The following MCM9 variants were observed in gnomAD, a reference collection of about 807,000 sequenced individuals.
The protein encoded by MCM9 is DNA helicase MCM9.
MCM9 carries 55 observed loss-of-function variants against 72.8 expected under a neutral mutation model. That is an observed-to-expected ratio of 0.76 (90% confidence interval 0.61 to 0.95). The LOEUF (loss-of-function observed/expected upper bound fraction) is 0.95, where lower values mean the gene tolerates loss of function less well. Ranked by LOEUF, MCM9 falls within the 40% of genes least tolerant of loss-of-function variation. MCM9 has a pLI of 0.00. For missense variants in MCM9, 1,279 were observed against 1,377.0 expected, an observed-to-expected ratio of 0.93 and a Z score of 1.13; for synonymous variants, 480 against 503.4, an observed-to-expected ratio of 0.95 and a Z score of 0.62.
chr6:118,933,028 A>G (rs2114473704), intron 1 of MCM9, among the ~76,000 whole-genome samples: 1 of 152,366 alleles, frequency 6.6e-6, no homozygotes, highest in Middle Eastern at 3.4e-3. Context: ...TGAAAAGTAT[A>G]GTAAAAGGTT....
intron 9 of MCM9, among the ~76,000 whole-genome samples, chr6:118,839,616 C>T (rs867635197): frequency 3.9e-5 from 6 of 152,174 alleles, no homozygotes; most frequent in Middle Eastern, 3.4e-3. Flanking sequence ...TATGTGTGGA[C>T]GTCCTTTTTG....
At chr6:118,905,862 T>C in intron 8 of MCM9, 1 of 1,476,452 alleles carries the variant, frequency 6.8e-7, no homozygotes, top group Non-Finnish European at 9.1e-7. Flanking sequence ...TAACTACTTT[T>C]ACTATGCAAT....
intron 13 of MCM9, 101 bp downstream of exon 13, chr6:118,826,046 C>T: frequency 7.6e-7 from 1 of 1,315,050 alleles, no homozygotes; most frequent in South Asian, 1.5e-5. Context: ...GACCCAACAC[C>T]TGATAGATAG....
intron 9 of MCM9, among the ~76,000 whole-genome samples, chr6:118,843,291 A>G (rs1228378501): frequency 4.6e-5 from 7 of 151,992 alleles, no homozygotes; most frequent in Admixed American, 3.9e-4. Context: ...ATTTTCAAAA[A>G]AAGAACTAAC....
At chr6:118,865,005 C>A (rs888322113) in intron 8 of MCM9, among the ~76,000 whole-genome samples, 4 of 152,192 alleles carry the variant, frequency 2.6e-5, no homozygotes, top group Admixed American at 2.0e-4. Context: ...TGGCTGACAG[C>A]CTAAGAAGTG....
At position 118,921,987 on chromosome 6, in the gene MCM9, AAATTC is replaced by A; in HGVS notation, c.703+13_703+17del. On this transcript the variant is annotated intron_variant, in intron 5 of 13. Transcript: ENST00000619706. ...AGGACTACCTACACAAGCTAAAAAA[AAATTC>A]CCCTCTTCTTACCAGATTTGCAACT... 1 of 1,599,314 alleles carries A rather than the reference AAATTC, an allele frequency of 6.3e-7. No homozygotes were observed. Among genetic ancestry groups the A allele is most frequent in the Middle Eastern group, 1.7e-4 (1 of 5,994 alleles).
intron 8 of MCM9, among the ~76,000 whole-genome samples, chr6:118,860,223 G>A (rs1435983059): frequency 6.6e-6 from 1 of 151,946 alleles, no homozygotes; most frequent in East Asian, 1.9e-4. Flanking sequence ...TATGCTAAGA[G>A]ATCTAATGGA....
At chr6:118,916,640 A>G (rs1280152214) in intron 6 of MCM9, among the ~76,000 whole-genome samples, 2 of 150,808 alleles carry the variant, frequency 1.3e-5, no homozygotes, top group South Asian at 2.1e-4. Context: ...TGTATTTTTA[A>G]TAGAGACAAC....
intron 3 of MCM9, among the ~76,000 whole-genome samples, chr6:118,930,962 G>A (rs1450195910): frequency 1.3e-5 from 2 of 152,170 alleles, no homozygotes; most frequent in East Asian, 3.8e-4. Flanking sequence ...TATCTGTCAT[G>A]CATTCAACAA....
chr6:118,887,099 A>G (rs1344023207), intron 8 of MCM9, among the ~76,000 whole-genome samples: 1 of 152,264 alleles, frequency 6.6e-6, no homozygotes, highest in Non-Finnish European at 1.5e-5. Context: ...TGCAATCCCT[A>G]TCACAATCCC....
chr6:118,878,515 T>G (rs1031339809), intron 8 of MCM9, among the ~76,000 whole-genome samples: 20 of 152,286 alleles, frequency 1.3e-4, no homozygotes, highest in African/African-American at 4.8e-4. Flanking sequence ...TTATAAAATG[T>G]GTTGAGTGGC....
chr6:118,910,054 T>C (rs1335037147), intron 8 of MCM9, among the ~76,000 whole-genome samples: 1 of 149,482 alleles, frequency 6.7e-6, no homozygotes, highest in Non-Finnish European at 1.5e-5. Flanking sequence ...GAAGCAGAGG[T>C]TGCAGTGAGC....
At chr6:118,830,762 C>T (rs912650356) in intron 9 of MCM9, among the ~76,000 whole-genome samples, 1 of 152,212 alleles carries the variant, frequency 6.6e-6, no homozygotes, top group African/African-American at 2.4e-5. Context: ...CATCCTCTCT[C>T]TGACCAACCA....
At chr6:118,834,400 G>T (rs1774806631) in intron 9 of MCM9, among the ~76,000 whole-genome samples, 3 of 152,060 alleles carry the variant, frequency 2.0e-5, no homozygotes, top group Admixed American at 6.5e-5. Context: ...TGGGTCAAAT[G>T]GTATGTCGGT....
intron 8 of MCM9, among the ~76,000 whole-genome samples, 172 bp from the exon 9 acceptor site, chr6:118,856,717 A>G (rs570220931): frequency 2.0e-5 from 3 of 152,202 alleles, no homozygotes; most frequent in Admixed American, 6.5e-5. Flanking sequence ...TGTCTCTACA[A>G]ATAATTTAAA....
At position 118,874,744 on chromosome 6, in the gene MCM9, A is replaced by C. The variant is rs1777829131; in HGVS notation, c.1151-18199T>G. Among the ~76,000 whole-genome samples, 3 of 152,294 alleles carry C rather than the reference A, an allele frequency of 2.0e-5. No individual in the cohort carries two copies. The South Asian group carries it at 6.2e-4, about 31-fold the overall frequency. On this transcript the variant is annotated intron_variant, in intron 8 of 13. Transcript: ENST00000619706. ...TAATAAGTGATTATAGCAAGGTTGCAGGTTAATATGTAAAAGTCAATTGCT... is the reference window on the plus strand; with the variant it reads ...TAATAAGTGATTATAGCAAGGTTGCCGGTTAATATGTAAAAGTCAATTGCT...
At chr6:118,840,954 TG>T (rs1775324302) in intron 9 of MCM9, among the ~76,000 whole-genome samples, 2 of 152,076 alleles carry the variant, frequency 1.3e-5, no homozygotes, top group Admixed American at 1.3e-4. Context: ...AGGCTGGTCT[TG>T]AACTCCTAGG....
At chr6:118,901,938 C>G (rs966815556) in intron 8 of MCM9, among the ~76,000 whole-genome samples, 7 of 152,304 alleles carry the variant, frequency 4.6e-5, no homozygotes, top group African/African-American at 1.7e-4. Flanking sequence ...ATCACTTAGA[C>G]ACATGCCATC....
chr6:118,857,904 T>A (rs1333310655), intron 8 of MCM9, among the ~76,000 whole-genome samples: 1 of 152,132 alleles, frequency 6.6e-6, no homozygotes, highest in Admixed American at 6.5e-5. Flanking sequence ...TGAGATGGCT[T>A]CATAGTGAAT....
Sources: gnomAD v4.1 joint callset for allele counts (sites outside exome capture counted in the v4.1 genomes callset) on GRCh38, gnomAD v4.1.1 for gene constraint, MANE v1.5 for transcripts, NCBI Gene and HGNC (gene_info 2026-07-23, HGNC 2026-07-21) for gene names.